The following FCAR variants were observed in gnomAD, a reference collection of about 807,000 sequenced individuals.
The protein encoded by FCAR is Fc alpha receptor, also known as immunoglobulin alpha Fc receptor.
In FCAR, 21 loss-of-function variants were observed where a neutral mutation model predicts 27.1. The observed-to-expected ratio is 0.77, with a 90% CI of 0.55 to 1.11. The LOEUF (loss-of-function observed/expected upper bound fraction) is 1.11. FCAR is among the 50% of genes most tolerant of loss of function. FCAR has a pLI of 0.00. For synonymous variants in FCAR, 134 were observed against 135.8 expected, an observed-to-expected ratio of 0.99 and a Z score of 0.09; for missense variants, 404 against 358.4, an observed-to-expected ratio of 1.13 and a Z score of -1.03.
At chr19:54,883,942 G>T (rs1308024582) in intron 2 of FCAR, among the ~76,000 whole-genome samples, 1 of 152,124 alleles carries the variant, frequency 6.6e-6, no homozygotes, top group African/African-American at 2.4e-5. Context: ...GGGCAACAGA[G>T]TGAGACTTCA....
At chr19:54,886,823 C>A (rs1164932671) in intron 3 of FCAR, among the ~76,000 whole-genome samples, 1 of 152,184 alleles carries the variant, frequency 6.6e-6, no homozygotes, top group Non-Finnish European at 1.5e-5. Context: ...TGGAAATTGT[C>A]CGATGTTTTG....
rs2067047507 is a variant in FCAR, at chr19:54,890,978, C to G, written c.*1115C>G. 6.6e-6 allele frequency: 1 copy of G among 152,124 alleles called. No homozygotes were observed. Among genetic ancestry groups the G allele is most frequent in the Non-Finnish European group, 1.5e-5 (1 of 68,028 alleles). 9.4% of individuals were successfully genotyped at this position (152,124 alleles called of 1,614,324 possible). On this transcript the variant is annotated 3_prime_UTR_variant, in exon 5 of 5. Transcript: ENST00000355524. ...GATTACCCTATTTATTTCACAAACC[C>G]TATTTCTACCGGATTTTCATACAAG...
At chr19:54,886,001 C>T (rs936196073) in intron 3 of FCAR, among the ~76,000 whole-genome samples, 2 of 152,130 alleles carry the variant, frequency 1.3e-5, no homozygotes, top group East Asian at 1.9e-4. Context: ...AATCCCAACA[C>T]TTTGGGTGGC....
intron 2 of FCAR, among the ~76,000 whole-genome samples, chr19:54,879,343 T>A (rs2066282050): frequency 6.6e-6 from 1 of 152,216 alleles, no homozygotes; most frequent in Non-Finnish European, 1.5e-5. Flanking sequence ...ATAGTGTCAC[T>A]GGTTTATGTA....
intron 2 of FCAR, among the ~76,000 whole-genome samples, chr19:54,876,149 T>C (rs375088901): frequency 6.6e-6 from 1 of 152,220 alleles, no homozygotes; most frequent in Non-Finnish European, 1.5e-5. Flanking sequence ...TTTTGGTGTA[T>C]AGGAATGCTA....
At position 54,890,046 on chromosome 19, in the gene FCAR, T is replaced by C. The variant is rs59103589; in HGVS notation, c.*183T>C. ...AGCAATCTCGGCTCATTGAACCTCT[T>C]GGGTTCAAGTGATTCTTGTGCCTCA... On this transcript the variant is annotated 3_prime_UTR_variant, in exon 5 of 5. Coordinates refer to ENST00000355524, the MANE Select transcript of FCAR (RefSeq NM_002000.4). The C allele has an allele frequency of 0.061, 36,066 of 593,554 alleles. 1,504 individuals are homozygous for C. The highest frequency in any genetic ancestry group is 0.13 in the Admixed American group (4,315 of 33,532). The allele number at this position is 593,554 out of a possible 1,614,324, so 36.8% of individuals were successfully genotyped here. A position where few individuals can be genotyped will look rare whatever the true frequency, so the allele number is the denominator to read the frequency against.
In FCAR at chr19:54,888,168, C is replaced by A. The variant is rs1454532970; in HGVS notation, c.523C>A (p.Pro175Thr). 6.2e-7 allele frequency: 1 copy of A among 1,614,164 alleles called. No individual in the cohort carries two copies. Among genetic ancestry groups the A allele is most frequent in the Admixed American group, 1.7e-5 (1 of 60,020 alleles). Reference sequence around the variant, plus strand: ...GCCACAGCACCAAAGTGGGGAACACCCGGCCAACTTCTCTTTGGGTCCTGT... The same window carrying A: ...GCCACAGCACCAAAGTGGGGAACACACGGCCAACTTCTCTTTGGGTCCTGT... ...SLPQHQSGEHPANFSLGPVDL... is the reference protein window; with the variant it reads ...SLPQHQSGEHTANFSLGPVDL... The change falls in exon 4 of 5, where the codon CCG becomes ACG. Residue 175 changes from proline to threonine, a missense_variant. By Grantham distance (38) the Pro-to-Thr change is conservative. Coordinates refer to ENST00000355524, the MANE Select transcript of FCAR (RefSeq NM_002000.4).
At chr19:54,886,408 C>T (rs587671945) in intron 3 of FCAR, among the ~76,000 whole-genome samples, 21 of 149,008 alleles carry the variant, frequency 1.4e-4, no homozygotes, top group African/African-American at 3.7e-4. Context: ...CCCGGGTTCA[C>T]GCCATTCTCC....
intron 2 of FCAR, among the ~76,000 whole-genome samples, chr19:54,879,569 C>T (rs1333431184): frequency 1.3e-5 from 2 of 152,224 alleles, no homozygotes; most frequent in East Asian, 1.9e-4. Flanking sequence ...TAAATATAGG[C>T]CCCCAATCTC....
chr19:54,875,366 G>A lies in FCAR; in HGVS notation c.70+1G>A, dbSNP rs777925365. On this transcript the variant is annotated splice_donor_variant, in intron 2 of 4. Coordinates refer to ENST00000355524, the MANE Select transcript of FCAR (RefSeq NM_002000.4). LOFTEE classifies it high-confidence loss of function. ...GGCCAGAGGATTCAGGCACAGGAAGGTAAGTGTCCTGTAAATCTCTCCCAG... is the reference window on the plus strand; with the variant it reads ...GGCCAGAGGATTCAGGCACAGGAAGATAAGTGTCCTGTAAATCTCTCCCAG... 1 of 1,613,098 alleles carries A rather than the reference G, an allele frequency of 6.2e-7. No individual in the cohort carries two copies. The highest frequency in any genetic ancestry group is 8.5e-7 in the Non-Finnish European group (1 of 1,179,218).
chr19:54,887,154 C>G (rs1029197927), intron 3 of FCAR, among the ~76,000 whole-genome samples: 2 of 151,906 alleles, frequency 1.3e-5, no homozygotes, highest in African/African-American at 4.8e-5. Context: ...TACAAAAAAT[C>G]AAAAAATTAG....
At chr19:54,885,096 G>A (rs372630519) in intron 2 of FCAR, 139 bp from the exon 3 acceptor site, 13 of 715,060 alleles carry the variant, frequency 1.8e-5, no homozygotes, top group Middle Eastern at 4.0e-4. Context: ...GTGAGCTACC[G>A]CACCCGGCCT....
intron 2 of FCAR, among the ~76,000 whole-genome samples, chr19:54,881,272 T>C (rs147386053): frequency 2.6e-5 from 4 of 152,152 alleles, no homozygotes; most frequent in Admixed American, 2.0e-4. Context: ...GGTGACAGAC[T>C]GGCCTCTTCT....
intron 1 of FCAR, 86 bp downstream of exon 1, chr19:54,874,409 G>A: frequency 2.6e-5 from 34 of 1,312,046 alleles, no homozygotes; most frequent in Non-Finnish European, 3.6e-5. Flanking sequence ...GTGACTAGGA[G>A]ATTTTAGTGG....
chr19:54,875,252 G>A (rs184863897), intron 1 of FCAR, 78 bp from the exon 2 acceptor site: 1 of 1,215,384 alleles, frequency 8.2e-7, no homozygotes, highest in African/African-American at 1.5e-5. Context: ...GTCTTTTTCT[G>A]GTCTGTCATT....
chr19:54,888,052 T>G lies in FCAR; in HGVS notation c.407T>G (p.Leu136Trp). ...CTCTCTGCAGATCGGGGTCTGGTGT[T>G]GATGCCAGGAGAGAATATTTCCCTC... is the stretch of plus-strand genomic sequence containing the variant. ...PFLSADRGLVLMPGENISLTC... is the reference protein window; with the variant it reads ...PFLSADRGLVWMPGENISLTC... Residue 136 changes from leucine (L) to tryptophan (W), a missense_variant, in exon 4 of 5, where the codon TTG becomes TGG. Leu to Trp is a moderately conservative substitution (Grantham distance 61). Coordinates refer to ENST00000355524, the MANE Select transcript of FCAR (RefSeq NM_002000.4). 6.2e-7 allele frequency: 1 copy of G among 1,614,142 alleles called. No individual in the cohort carries two copies. Among genetic ancestry groups the G allele is most frequent in the Non-Finnish European group, 8.5e-7 (1 of 1,179,962 alleles).
chr19:54,885,541 G>C lies in FCAR; in HGVS notation c.361+16G>C. ...GTAGTGACAGGTAAGGAAACATCCA[G>C]GGTCCACAGCCCTGGTGTGATTTTT... is the stretch of plus-strand genomic sequence containing the variant. On this transcript the variant is annotated intron_variant, in intron 3 of 4. Coordinates refer to ENST00000355524, the MANE Select transcript of FCAR (RefSeq NM_002000.4). 1 of 1,589,026 alleles carries C rather than the reference G, an allele frequency of 6.3e-7. No individual in the cohort carries two copies. Among genetic ancestry groups the C allele is most frequent in the South Asian group, 1.1e-5 (1 of 90,658 alleles).
Position 54,888,292 on chromosome 19 carries a change from C to T in FCAR, c.647C>T (p.Thr216Ile), listed in dbSNP as rs374350579. The T allele has an allele frequency of 1.2e-6, 2 of 1,613,826 alleles. No homozygotes were observed. The highest frequency in any genetic ancestry group is 1.6e-4 in the Middle Eastern group (1 of 6,062). ...FPSNALELVV[T>I]DSIHQDYTTQ... Reference sequence around the variant, plus strand: ...AGTAATGCCTTGGAGCTTGTGGTCACAGGTAGGTACCGCCCAGTCCAGCCC... The same window carrying T: ...AGTAATGCCTTGGAGCTTGTGGTCATAGGTAGGTACCGCCCAGTCCAGCCC... Residue 216 changes from threonine (T) to isoleucine (I), a missense_variant and splice_region_variant, in exon 4 of 5, where the codon ACA (threonine) becomes ATA (isoleucine). Physicochemically the swap from Thr to Ile is moderately conservative, Grantham distance 89. Coordinates refer to ENST00000355524, the MANE Select transcript of FCAR (RefSeq NM_002000.4).
chr19:54,875,366 G>T lies in FCAR; in HGVS notation c.70+1G>T, dbSNP rs777925365. On this transcript the variant is annotated splice_donor_variant, in intron 2 of 4. Transcript: ENST00000355524. LOFTEE classifies it high-confidence loss of function. ...GGCCAGAGGATTCAGGCACAGGAAGGTAAGTGTCCTGTAAATCTCTCCCAG... is the reference window on the plus strand; with the variant it reads ...GGCCAGAGGATTCAGGCACAGGAAGTTAAGTGTCCTGTAAATCTCTCCCAG... The T allele has an allele frequency of 6.2e-7, 1 of 1,613,098 alleles. No individual in the cohort carries two copies. The highest frequency in any genetic ancestry group is 1.3e-5 in the African/African-American group (1 of 75,010).
Sources: gnomAD v4.1 joint callset for allele counts (sites outside exome capture counted in the v4.1 genomes callset) on GRCh38, gnomAD v4.1.1 for gene constraint, MANE v1.5 for transcripts, NCBI Gene and HGNC (gene_info 2026-07-23, HGNC 2026-07-21) for gene names.